Variants in SLC60A1 observed in about 807,000 individuals in gnomAD.
The protein encoded by SLC60A1 is major facilitator superfamily domain containing 4.
chr1:205,582,580 C>T, the SLC60A1 span, among the ~76,000 whole-genome samples: 1 of 152,190 alleles, frequency 6.6e-6, no homozygotes, highest in Admixed American at 6.5e-5. Context: ...TGAGCGATCA[C>T]GCCTCTTGTA....
At chr1:205,579,827 C>G in the SLC60A1 span, 1 of 1,614,170 alleles carries the variant, frequency 6.2e-7, no homozygotes, top group South Asian at 1.1e-5. Context: ...CCCCTTCTGC[C>G]GCGACGTGAA....
chr1:205,569,071 T>A, the SLC60A1 span: 1 of 1,438,894 alleles, frequency 6.9e-7, no homozygotes, highest in Non-Finnish European at 9.2e-7. Context: ...GCCTGCGCCA[T>A]GGGCTGCGAC....
At chr1:205,599,114 G>A in the SLC60A1 span, 25 of 1,613,648 alleles carry the variant, frequency 1.5e-5, no homozygotes, top group East Asian at 5.3e-4. Flanking sequence ...GTCTCTCTGT[G>A]TTTTCCCCTT....
the SLC60A1 span, chr1:205,580,043 G>A: frequency 4.5e-6 from 6 of 1,345,672 alleles, no homozygotes; most frequent in South Asian, 1.4e-5. The surrounding 1 kb of genome is among the most constrained non-coding windows in gnomAD (Gnocchi z 5.0). Context: ...TCCCCCAGGG[G>A]CCCACTTACC....
chr1:205,569,844 A>G, the SLC60A1 span, among the ~76,000 whole-genome samples: 1 of 152,048 alleles, frequency 6.6e-6, no homozygotes, highest in South Asian at 2.1e-4. Context: ...CACATCAGCT[A>G]ACACAGGCTG....
the SLC60A1 span, chr1:205,580,675 C>T: frequency 7.3e-6 from 11 of 1,509,918 alleles, no homozygotes; most frequent in Admixed American, 7.0e-5. This position sits in a 1 kb window ranked among gnomAD's most constrained non-coding sequence, Gnocchi z 5.0. Context: ...TCCATTTCTT[C>T]GTGGGCTTTG....
chr1:205,602,915 CTTA>C, the SLC60A1 span: 1 of 152,064 alleles, frequency 6.6e-6, no homozygotes, highest in Non-Finnish European at 1.5e-5. Flanking sequence ...AATATTTAAA[CTTA>C]TTAAGTGTGT....
the SLC60A1 span, among the ~76,000 whole-genome samples, chr1:205,573,000 G>A: frequency 6.6e-6 from 1 of 152,214 alleles, no homozygotes. Context: ...GGTGGTGGAT[G>A]CCTTGTTGTT....
the SLC60A1 span, chr1:205,597,825 T>C: frequency 5.6e-6 from 9 of 1,614,008 alleles, no homozygotes; most frequent in Admixed American, 1.7e-5. Context: ...GTTGGCGAGA[T>C]GGTGCTGCAG....
chr1:205,583,104 G>C, the SLC60A1 span, among the ~76,000 whole-genome samples: 1 of 152,182 alleles, frequency 6.6e-6, no homozygotes, highest in African/African-American at 2.4e-5. Flanking sequence ...AAGGACAATA[G>C]TTAGACTTGA....
chr1:205,593,047 A>T, the SLC60A1 span, among the ~76,000 whole-genome samples: 1 of 152,042 alleles, frequency 6.6e-6, no homozygotes, highest in African/African-American at 2.4e-5. Context: ...CTCTCGACTA[A>T]TCTCCCTCCC....
the SLC60A1 span, chr1:205,592,058 G>C: frequency 2.5e-6 from 4 of 1,570,308 alleles, no homozygotes; most frequent in Non-Finnish European, 3.5e-6. Flanking sequence ...GCCAAGCCAG[G>C]AGACGCCGAC....
the SLC60A1 span, chr1:205,599,155 A>G: frequency 1.2e-6 from 2 of 1,614,124 alleles, no homozygotes; most frequent in Non-Finnish European, 1.7e-6. Flanking sequence ...GGGCAGCTAT[A>G]GTTTCCTGGT....
the SLC60A1 span, among the ~76,000 whole-genome samples, chr1:205,570,162 TTC>T: frequency 6.6e-6 from 1 of 152,186 alleles, no homozygotes; most frequent in Non-Finnish European, 1.5e-5. Context: ...CAGAGCCTTA[TTC>T]TCTCGGCTTA....
chr1:205,594,350 T>C, the SLC60A1 span, among the ~76,000 whole-genome samples: 2 of 152,146 alleles, frequency 1.3e-5, no homozygotes, highest in South Asian at 2.1e-4. Flanking sequence ...TCAACACATG[T>C]TAGAGTTTAA....
At chr1:205,593,146 C>T in the SLC60A1 span, among the ~76,000 whole-genome samples, 1 of 151,978 alleles carries the variant, frequency 6.6e-6, no homozygotes, top group Non-Finnish European at 1.5e-5. Flanking sequence ...TCACCAGAGA[C>T]GCACTAGAGG....
chr1:205,595,413 G>A, the SLC60A1 span, among the ~76,000 whole-genome samples: 1 of 152,118 alleles, frequency 6.6e-6, no homozygotes, highest in African/African-American at 2.4e-5. Flanking sequence ...CCCTCTCCAG[G>A]AAGCTCCTCT....
the SLC60A1 span, chr1:205,594,902 A>T: frequency 6.6e-6 from 1 of 152,246 alleles, no homozygotes; most frequent in Non-Finnish European, 1.5e-5. Flanking sequence ...AATCACCTGG[A>T]GTTCTGGTAC....
the SLC60A1 span, among the ~76,000 whole-genome samples, chr1:205,578,280 G>A: frequency 2.6e-5 from 4 of 152,324 alleles, no homozygotes; most frequent in East Asian, 7.7e-4. Context: ...CCACCTAGGA[G>A]GCTGCCTAGT....
Sources: gnomAD v4.1 joint callset for allele counts (sites outside exome capture counted in the v4.1 genomes callset) on GRCh38, gnomAD v4.1.1 for gene constraint, Gnocchi (gnomAD v3.1) non-coding constraint, MANE v1.5 for transcripts, NCBI Gene and HGNC (gene_info 2026-07-23, HGNC 2026-07-21) for gene names.